PIK3C2G: variants seen among roughly 807,000 people sequenced by gnomAD.
The protein encoded by PIK3C2G is phosphatidylinositol 3-kinase C2 domain-containing subunit gamma.
A neutral mutation model predicts 181.1 loss-of-function variants in PIK3C2G; 168 were observed. The ratio of observed to expected loss-of-function variants is 0.93; its 90% CI spans 0.82 to 1.05. The LOEUF is 1.05. Among genes scored for constraint, PIK3C2G ranks in the 50% least tolerant of loss-of-function variants. The pLI, the probability that PIK3C2G is intolerant of heterozygous loss-of-function variation, is 0.00. For missense variants in PIK3C2G, 1,869 were observed against 1,732.8 expected, an observed-to-expected ratio of 1.08 and a Z score of -1.40; for synonymous variants, 573 against 592.2, an observed-to-expected ratio of 0.97 and a Z score of 0.47.
In PIK3C2G at chr12:18,345,205, C is replaced by T. The variant is rs115447861; in HGVS notation, c.1430-1436C>T. Among the ~76,000 whole-genome samples the T allele has an allele frequency of 6.7e-3, 1,017 of 151,706 alleles. 11 individuals are homozygous for T. The highest frequency in any genetic ancestry group is 0.024 in the African/African-American group (979 of 41,266). On this transcript the variant is annotated intron_variant, in intron 10 of 32. Transcript: ENST00000538779. Reference sequence around the variant, plus strand: ...TAAATTTATAATGCTCTGCCTCCTGCTGTTCAGCAGAATCTCTGTTGGTTG... The same window carrying T: ...TAAATTTATAATGCTCTGCCTCCTGTTGTTCAGCAGAATCTCTGTTGGTTG...
intron 8 of PIK3C2G, among the ~76,000 whole-genome samples, chr12:18,331,735 A>G (rs1042650194): frequency 2.0e-5 from 3 of 152,034 alleles, no homozygotes; most frequent in Non-Finnish European, 4.4e-5. Context: ...CCGCCTTGCT[A>G]TTTTGAGGGA....
chr12:18,673,262 C>G, the PIK3C2G span, among the ~76,000 whole-genome samples: 5 of 151,908 alleles, frequency 3.3e-5, no homozygotes, highest in African/African-American at 1.2e-4. Flanking sequence ...TCAGCTATCC[C>G]CACTGTAATC....
intron 14 of PIK3C2G, among the ~76,000 whole-genome samples, chr12:18,386,493 A>C (rs1328590829): frequency 6.6e-6 from 1 of 152,114 alleles, no homozygotes; most frequent in African/African-American, 2.4e-5. Flanking sequence ...TATCTCTGTC[A>C]ATTTGACTGT....
intron 18 of PIK3C2G, among the ~76,000 whole-genome samples, chr12:18,455,688 G>A (rs1024515267): frequency 2.0e-5 from 3 of 151,988 alleles, no homozygotes; most frequent in Admixed American, 1.3e-4. Context: ...TCTTCTCACT[G>A]TTTTCTCACA....
At chr12:18,558,532 T>C (rs148717051) in intron 26 of PIK3C2G, among the ~76,000 whole-genome samples, 7 of 152,342 alleles carry the variant, frequency 4.6e-5, no homozygotes, top group African/African-American at 2.4e-5. Flanking sequence ...TCTTATGCAA[T>C]TGTGCCCTTT....
intron 24 of PIK3C2G, among the ~76,000 whole-genome samples, chr12:18,517,322 C>T (rs952488899): frequency 6.6e-6 from 1 of 152,064 alleles, no homozygotes; most frequent in Non-Finnish European, 1.5e-5. Context: ...AAACTTAAGC[C>T]ACAGCAGAAA....
chr12:18,267,592 C>T (rs548005195), intron 1 of PIK3C2G, among the ~76,000 whole-genome samples: 1 of 152,240 alleles, frequency 6.6e-6, no homozygotes, highest in Non-Finnish European at 1.5e-5. Context: ...CCTGGTTCCT[C>T]TCATTATTGA....
At chr12:18,505,642 A>G (rs372052998) in intron 24 of PIK3C2G, among the ~76,000 whole-genome samples, 181 bp downstream of exon 24, 18 of 152,328 alleles carry the variant, frequency 1.2e-4, no homozygotes, top group African/African-American at 4.3e-4. Context: ...TTTTTAATGC[A>G]ACAAATTTGA....
rs373607482 is a variant in PIK3C2G at position 18,537,207 on chromosome 12, A to G, written c.3324-949A>G. Among the ~76,000 whole-genome samples the G allele has an allele frequency of 2.6e-5, 4 of 152,254 alleles. No individual in the cohort carries two copies. The South Asian group carries it at 8.3e-4, about 32-fold the overall frequency. Reference sequence around the variant, plus strand: ...TTACTGAAATAGCTAAGCATAAGCAACAAAAAGAAAACAATTATGTTTTAT... The same window carrying G: ...TTACTGAAATAGCTAAGCATAAGCAGCAAAAAGAAAACAATTATGTTTTAT... On this transcript the variant is annotated intron_variant, in intron 24 of 32. Transcript: ENST00000538779.
intron 14 of PIK3C2G, among the ~76,000 whole-genome samples, chr12:18,387,741 A>G (rs1242466407): frequency 3.3e-5 from 5 of 152,192 alleles, no homozygotes; most frequent in Non-Finnish European, 5.9e-5. Flanking sequence ...TGACTGAGTG[A>G]TCTCTGATGG....
chr12:18,652,248 A>G (rs1009529272), downstream of PIK3C2G, among the ~76,000 whole-genome samples: 1 of 152,142 alleles, frequency 6.6e-6, no homozygotes, highest in African/African-American at 2.4e-5. Context: ...CGCCAGTCCC[A>G]TATACCAGTC....
chr12:18,430,708 G>A (rs1461476327), intron 18 of PIK3C2G, among the ~76,000 whole-genome samples: 1 of 152,114 alleles, frequency 6.6e-6, no homozygotes, highest in East Asian at 1.9e-4. Flanking sequence ...CGAGGCAATG[G>A]ATATCACTAG....
chr12:18,564,278 T>A (rs1213282540), intron 28 of PIK3C2G, among the ~76,000 whole-genome samples: 1 of 151,830 alleles, frequency 6.6e-6, no homozygotes, highest in Non-Finnish European at 1.5e-5. Flanking sequence ...ATAAAAAAGG[T>A]GTATCTTGAT....
intron 26 of PIK3C2G, among the ~76,000 whole-genome samples, chr12:18,553,587 C>T (rs772600896): frequency 6.6e-6 from 1 of 152,190 alleles, no homozygotes; most frequent in South Asian, 2.1e-4. Flanking sequence ...AGACTTGAAA[C>T]CTCAACTTGG....
At chr12:18,324,899 T>C (rs1951267403) in intron 7 of PIK3C2G, 136 bp from the exon 8 acceptor site, 2 of 534,144 alleles carry the variant, frequency 3.7e-6, no homozygotes, top group South Asian at 3.0e-5. Context: ...TTTAAAATTA[T>C]GTCAACAATA....
the PIK3C2G span, among the ~76,000 whole-genome samples, chr12:18,707,464 T>C: frequency 6.6e-6 from 1 of 152,298 alleles, no homozygotes; most frequent in South Asian, 2.1e-4. Context: ...CTCTTTCTTT[T>C]ATCTTCCCTG....
At chr12:18,244,187 T>C (rs1192500031), upstream of PIK3C2G, among the ~76,000 whole-genome samples, 1 of 151,982 alleles carries the variant, frequency 6.6e-6, no homozygotes, top group Non-Finnish European at 1.5e-5. Context: ...AAGAAAAATA[T>C]ATTTTACCCC....
intron 18 of PIK3C2G, among the ~76,000 whole-genome samples, chr12:18,455,130 G>C (rs1382878977): frequency 6.6e-6 from 1 of 152,190 alleles, no homozygotes; most frequent in Non-Finnish European, 1.5e-5. Context: ...GATAGCTAAA[G>C]AATATACCAG....
At chr12:18,639,849 A>G (rs1202553905) in intron 31 of PIK3C2G, among the ~76,000 whole-genome samples, 1 of 152,164 alleles carries the variant, frequency 6.6e-6, no homozygotes, top group East Asian at 1.9e-4. Context: ...ATAATTTAAA[A>G]GGGATTATCC....
Sources: allele counts gnomAD v4.1 joint callset (sites outside exome capture counted in the v4.1 genomes callset), GRCh38; gene constraint gnomAD v4.1.1; transcripts MANE v1.5; gene names NCBI Gene and HGNC (gene_info 2026-07-23, HGNC 2026-07-21).